The following OR5A1 variants were observed in gnomAD, a reference collection of about 807,000 sequenced individuals.
The protein encoded by OR5A1 is olfactory receptor family 5 subfamily A member 1.
OR5A1 carries 6 observed loss-of-function variants against 6.7 expected under a neutral mutation model. That is an observed-to-expected ratio of 0.89 (90% CI 0.49 to 1.76). The LOEUF is 1.76. Among genes scored for constraint, OR5A1 ranks in the 40% most tolerant of loss-of-function variants. The pLI is 0.01. For missense variants in OR5A1, 378 were observed against 381.7 expected, an observed-to-expected ratio of 0.99 and a Z score of 0.08; for synonymous variants, 170 against 155.0, an observed-to-expected ratio of 1.10 and a Z score of -0.72.
At position 59,447,576 on chromosome 11, in the gene OR5A1, G is replaced by C. The variant is rs1352747999; in HGVS notation, c.*3460G>C. On this transcript the variant is annotated 3_prime_UTR_variant, in exon 2 of 2. Coordinates refer to ENST00000641045, the MANE Select transcript of OR5A1 (RefSeq NM_001004728.2). The stretch of plus-strand genomic sequence containing the variant: ...AAGGGAAATTCAAGAAAGAATATGA[G>C]AAGGAGAGATTGTCTGATCCTCACC... The C allele has an allele frequency of 1.3e-5, 2 of 152,210 alleles. No individual in the cohort carries two copies. Among genetic ancestry groups the C allele is most frequent in the Non-Finnish European group, 2.9e-5 (2 of 68,036 alleles). 9.4% of individuals were successfully genotyped at this position (152,210 alleles called of 1,614,324 possible).
Position 59,444,299 on chromosome 11 carries a change from A to C in OR5A1, c.*183A>C. The C allele has an allele frequency of 3.2e-6, 1 of 310,050 alleles. No homozygotes were observed. The highest frequency in any genetic ancestry group is 6.1e-6 in the Non-Finnish European group (1 of 164,484). 19.2% of individuals were successfully genotyped at this position (310,050 alleles called of 1,614,324 possible). Reference sequence around the variant, plus strand: ...TACTGACTGTGCCATAGATAGCCAAAAAGGGAAGGAATTTCTTCAGAAAAA... The same window carrying C: ...TACTGACTGTGCCATAGATAGCCAACAAGGGAAGGAATTTCTTCAGAAAAA... On this transcript the variant is annotated 3_prime_UTR_variant, in exon 2 of 2. Coordinates refer to ENST00000641045, the MANE Select transcript of OR5A1 (RefSeq NM_001004728.2).
rs1049155265 is a variant in OR5A1, at chr11:59,448,500, C to T, written c.*4384C>T. On this transcript the variant is annotated 3_prime_UTR_variant, in exon 2 of 2. Coordinates refer to ENST00000641045, the MANE Select transcript of OR5A1 (RefSeq NM_001004728.2). ...GGATCTTACAGGATTATTATGAGCC[C>T]AAAAAAAGAAAATTGATTTTTAGAA... 4 of 151,680 alleles carry T rather than the reference C, an allele frequency of 2.6e-5. No homozygotes were observed. The highest frequency in any genetic ancestry group is 2.6e-4 in the Admixed American group (4 of 15,242). 9.4% of individuals were successfully genotyped at this position (151,680 alleles called of 1,614,324 possible). A position where few individuals can be genotyped will look rare whatever the true frequency, so the allele number is the denominator to read the frequency against.
In OR5A1 at chr11:59,444,228, A is replaced by C; in HGVS notation, c.*112A>C. The C allele has an allele frequency of 1.5e-6, 1 of 674,342 alleles. No individual in the cohort carries two copies. Among genetic ancestry groups the C allele is most frequent in the Non-Finnish European group, 2.5e-6 (1 of 403,980 alleles). 41.8% of individuals were successfully genotyped at this position (674,342 alleles called of 1,614,324 possible). ...ATATTTGGTGCTCTCATTTGTGGAG[A>C]CTCTTCCCTCCAGATTCCTCTCACC... On this transcript the variant is annotated 3_prime_UTR_variant, in exon 2 of 2. Coordinates refer to ENST00000641045, the MANE Select transcript of OR5A1 (RefSeq NM_001004728.2).
Position 59,443,414 on chromosome 11 carries a change from C to T in OR5A1, c.246C>T (p.Pro82=). ...IDICYSSAVA[P]NMLTDFFWEQ... ...TCTGCTACTCTTCTGCTGTGGCTCC[C>T]AATATGCTCACTGACTTCTTCTGGG... Residue 82 remains proline (P), a synonymous_variant, in exon 2 of 2, where the codon CCC becomes CCT. Coordinates refer to ENST00000641045, the MANE Select transcript of OR5A1 (RefSeq NM_001004728.2). 4 of 1,613,878 alleles carry T rather than the reference C, an allele frequency of 2.5e-6. No homozygotes were observed. The highest frequency in any genetic ancestry group is 3.4e-6 in the Non-Finnish European group (4 of 1,180,026).
chr11:59,439,410 G>GACCTGGTGTTGATTAT (rs148661794), intron 1 of OR5A1, among the ~76,000 whole-genome samples: 5 of 152,264 alleles, frequency 3.3e-5, no homozygotes, highest in African/African-American at 1.2e-4. Flanking sequence ...CTGTAAAATA[G>GACCTGGTGTTGATTAT]ACCTGGTGTT....
Position 59,449,172 on chromosome 11 carries a change from C to T in OR5A1, c.*5056C>T, listed in dbSNP as rs1260425155. Reference sequence around the variant, plus strand: ...TTCCTACAAATATCCAATATTACTCCCTATGCTAATCATTATAGTAGACTT... The same window carrying T: ...TTCCTACAAATATCCAATATTACTCTCTATGCTAATCATTATAGTAGACTT... On this transcript the variant is annotated 3_prime_UTR_variant, in exon 2 of 2. Coordinates refer to ENST00000641045, the MANE Select transcript of OR5A1 (RefSeq NM_001004728.2). The T allele has an allele frequency of 2.0e-5, 3 of 152,106 alleles. No homozygotes were observed. Among genetic ancestry groups the T allele is most frequent in the African/African-American group, 7.2e-5 (3 of 41,418 alleles). 9.4% of individuals were successfully genotyped at this position (152,106 alleles called of 1,614,324 possible).
chr11:59,438,915 AT>A (rs1305400380), intron 1 of OR5A1, among the ~76,000 whole-genome samples: 1 of 152,234 alleles, frequency 6.6e-6, no homozygotes, highest in African/African-American at 2.4e-5. Context: ...GGAACTCCTC[AT>A]TTCATCAATC....
At position 59,443,976 on chromosome 11, in the gene OR5A1, T is replaced by A; in HGVS notation, c.808T>A (p.Leu270Met). 1 of 1,614,094 alleles carries A rather than the reference T, an allele frequency of 6.2e-7. No homozygotes were observed. Among genetic ancestry groups the A allele is most frequent in the South Asian group, 1.1e-5 (1 of 91,084 alleles). The change falls in exon 2 of 2, where the codon TTG (leucine) becomes ATG (methionine). Residue 270 changes from leucine (L) to methionine (M), a missense_variant. Transcript: ENST00000641045. The stretch of plus-strand genomic sequence containing the variant: ...GTACTTGCGACCCAGCTCCAGCTAC[T>A]TGCTAGGCAGGGACAAGGTGGTGTC... The part of the protein sequence containing the change: ...FVYLRPSSSY[L>M]LGRDKVVSVF...
Position 59,449,439 on chromosome 11 carries a change from G to C in OR5A1, c.*5323G>C, listed in dbSNP as rs1858590404. 1 of 152,164 alleles carries C rather than the reference G, an allele frequency of 6.6e-6. No individual in the cohort carries two copies. The highest frequency in any genetic ancestry group is 1.5e-5 in the Non-Finnish European group (1 of 68,032). 9.4% of individuals were successfully genotyped at this position (152,164 alleles called of 1,614,324 possible). On this transcript the variant is annotated 3_prime_UTR_variant, in exon 2 of 2. Coordinates refer to ENST00000641045, the MANE Select transcript of OR5A1 (RefSeq NM_001004728.2). The stretch of plus-strand genomic sequence containing the variant: ...GAACTAGAAGCTTCAGGCTGATTAA[G>C]ATCTCCTACTTCTAACCTAAAATAC...
chr11:59,443,067 C>T, intron 1 of OR5A1, 69 bp from the exon 2 acceptor site: 1 of 797,810 alleles, frequency 1.3e-6, no homozygotes, highest in Non-Finnish European at 2.1e-6. Context: ...ATCCTCTGCC[C>T]TCCCTCTCAG....
Position 59,443,310 on chromosome 11 carries a change from C to G in OR5A1, c.142C>G (p.Leu48Val), listed in dbSNP as rs751921572. 7 of 1,613,694 alleles carry G rather than the reference C, an allele frequency of 4.3e-6. No individual in the cohort carries two copies. In the African/African-American group the frequency reaches 9.3e-5, roughly 22 times the overall value. ...TACCACCCTGGCCTGGAACCTGGCCCTCATTTTTCTGATCAGAGGTGACAC... is the reference window on the plus strand; with the variant it reads ...TACCACCCTGGCCTGGAACCTGGCCGTCATTTTTCTGATCAGAGGTGACAC... ...YLTTLAWNLA[L>V]IFLIRGDTHL... Residue 48 changes from leucine (L) to valine (V), a missense_variant, in exon 2 of 2, where the codon CTC becomes GTC. Leu to Val is a conservative substitution (Grantham distance 32, BLOSUM62 1). Transcript: ENST00000641045.
At chr11:59,439,571 C>T (rs78485172) in intron 1 of OR5A1, among the ~76,000 whole-genome samples, 4,550 of 152,298 alleles carry the variant, frequency 0.03, 115 homozygotes, top group Admixed American at 0.067. Flanking sequence ...TCCATACAAT[C>T]CTTAAGATAC....
In OR5A1 at chr11:59,446,831, A is replaced by C. The variant is rs1858555411; in HGVS notation, c.*2715A>C. On this transcript the variant is annotated 3_prime_UTR_variant, in exon 2 of 2. Transcript: ENST00000641045. ...TCCATTGATGTAGGTCAATTGGATA[A>C]GTAGATATTTGATTTGATTGTTCAT... 6.6e-6 allele frequency: 1 copy of C among 152,224 alleles called. No individual in the cohort carries two copies. Among genetic ancestry groups the C allele is most frequent in the South Asian group, 2.1e-4 (1 of 4,834 alleles). The allele number at this position is 152,224 out of a possible 1,614,324, so 9.4% of individuals were successfully genotyped here. A position where few individuals can be genotyped will look rare whatever the true frequency, so the allele number is the denominator to read the frequency against.
chr11:59,442,507 A>T (rs1190553103), intron 1 of OR5A1, among the ~76,000 whole-genome samples: 4 of 152,208 alleles, frequency 2.6e-5, no homozygotes, highest in Non-Finnish European at 5.9e-5. Flanking sequence ...GCTCAGACTA[A>T]GATAAATTTG....
Position 59,443,463 on chromosome 11 carries a change from G to C in OR5A1, c.295G>C (p.Gly99Arg). 6.2e-7 allele frequency: 1 copy of C among 1,613,924 alleles called. No homozygotes were observed. The highest frequency in any genetic ancestry group is 8.5e-7 in the Non-Finnish European group (1 of 1,180,006). ...GGAGCAGAAGACCATATCATTTGTGGGCTGTGCTGCTCAGTTTTTTTTCTT... is the reference window on the plus strand; with the variant it reads ...GGAGCAGAAGACCATATCATTTGTGCGCTGTGCTGCTCAGTTTTTTTTCTT... ...FWEQKTISFV[G>R]CAAQFFFFVG... Residue 99 changes from glycine (G) to arginine (R), a missense_variant, in exon 2 of 2, where the codon GGC becomes CGC. Transcript: ENST00000641045.
At chr11:59,439,082 C>G (rs558000716) in intron 1 of OR5A1, among the ~76,000 whole-genome samples, 1 of 152,286 alleles carries the variant, frequency 6.6e-6, no homozygotes, top group African/African-American at 2.4e-5. Flanking sequence ...CACAATTTGG[C>G]TGAGGTCCTT....
In OR5A1 at chr11:59,444,057, A is replaced by G; in HGVS notation, c.889A>G (p.Asn297Asp). 1 of 1,614,134 alleles carries G rather than the reference A, an allele frequency of 6.2e-7. No homozygotes were observed. Among genetic ancestry groups the G allele is most frequent in the Non-Finnish European group, 8.5e-7 (1 of 1,180,016 alleles). ...GAACCCTCTCATTTACAGTTTGAGG[A>G]ACAAAGAGATCAAGGATGCCCTGTG... ...MLNPLIYSLR[N>D]KEIKDALWKV... Residue 297 changes from asparagine to aspartate, a missense_variant, in exon 2 of 2, where the codon AAC becomes GAC. Coordinates refer to ENST00000641045, the MANE Select transcript of OR5A1 (RefSeq NM_001004728.2).
chr11:59,444,315 TTC>T lies in OR5A1; in HGVS notation c.*200_*201del. On this transcript the variant is annotated 3_prime_UTR_variant, in exon 2 of 2. Coordinates refer to ENST00000641045, the MANE Select transcript of OR5A1 (RefSeq NM_001004728.2). Reference sequence around the variant, plus strand: ...GATAGCCAAAAAGGGAAGGAATTTCTTCAGAAAAAAAAAAAAAAAAAAAAGAA... The same window carrying T: ...GATAGCCAAAAAGGGAAGGAATTTCTAGAAAAAAAAAAAAAAAAAAAAGAA... 1 of 178,994 alleles carries T rather than the reference TTC, an allele frequency of 5.6e-6. No homozygotes were observed. The highest frequency in any genetic ancestry group is 1.1e-5 in the Non-Finnish European group (1 of 88,182). 11.1% of individuals were successfully genotyped at this position (178,994 alleles called of 1,614,324 possible). A position where few individuals can be genotyped will look rare whatever the true frequency, so the allele number is the denominator to read the frequency against.
rs1858418918 is a variant in OR5A1, at chr11:59,436,638, A to G, written c.-231A>G. ...TCTTTATATATCTTTTTCTTCCTTTACTCTGCCCCAAAGCACACCTTCTAT... is the reference window on the plus strand; with the variant it reads ...TCTTTATATATCTTTTTCTTCCTTTGCTCTGCCCCAAAGCACACCTTCTAT... On this transcript the variant is annotated 5_prime_UTR_variant, in exon 1 of 2. Coordinates refer to ENST00000641045, the MANE Select transcript of OR5A1 (RefSeq NM_001004728.2). 1 of 151,884 alleles carries G rather than the reference A, an allele frequency of 6.6e-6. No individual in the cohort carries two copies. Among genetic ancestry groups the G allele is most frequent in the African/African-American group, 2.4e-5 (1 of 41,322 alleles). The allele number at this position is 151,884 out of a possible 1,614,324, so 9.4% of individuals were successfully genotyped here. A position where few individuals can be genotyped will look rare whatever the true frequency, so the allele number is the denominator to read the frequency against.
Sources: allele counts gnomAD v4.1 joint callset (sites outside exome capture counted in the v4.1 genomes callset), GRCh38; gene constraint gnomAD v4.1.1; transcripts MANE v1.5; gene names NCBI Gene and HGNC (gene_info 2026-07-23, HGNC 2026-07-21).